SPOCK1: variants seen among roughly 807,000 people sequenced by gnomAD.
The protein encoded by SPOCK1 is SPARC (osteonectin), cwcv and kazal like domains proteoglycan 1, also known as testican-1.
A neutral mutation model predicts 55.3 loss-of-function variants in SPOCK1; 23 were observed. The observed-to-expected ratio is 0.42, with a 90% CI of 0.30 to 0.59. The LOEUF (loss-of-function observed/expected upper bound fraction) is 0.59, where lower values mean the gene tolerates loss of function less well. SPOCK1 is among the 20% of genes least tolerant of loss of function. The pLI is 0.22. For missense variants in SPOCK1, 499 were observed against 552.5 expected (o/e 0.90, Z 0.97); for synonymous variants, 226 against 221.0 (o/e 1.02, Z -0.20).
chr5:137,488,972 G>A (rs1881620), intron 2 of SPOCK1, among the ~76,000 whole-genome samples: 55,889 of 151,914 alleles, frequency 0.37, 10,392 homozygotes, highest in East Asian at 0.46. Flanking sequence ...GTCTCTGGGG[G>A]GTATATTTTC....
At chr5:137,244,940 AC>A (rs1170025383) in intron 3 of SPOCK1, among the ~76,000 whole-genome samples, 1 of 152,232 alleles carries the variant, frequency 6.6e-6, no homozygotes, top group East Asian at 1.9e-4. Context: ...TAATTTTATT[AC>A]TTACCAATGT....
Position 137,498,451 on chromosome 5 carries a change from G to C in SPOCK1, c.108C>G (p.Gly36=). ...GCCACTGGTCATTGTCTAGGAAATT[G>C]CCGTGGTTGGGGCCCGCGCCTCCGG... ...ALAGGAGPNH[G]NFLDNDQWLS... is the part of the protein sequence containing the mutation. The change falls in exon 2 of 11, where the codon GGC becomes GGG. Residue 36 remains glycine (G), a synonymous_variant. Coordinates refer to ENST00000394945, the MANE Select transcript of SPOCK1 (RefSeq NM_004598.4). The C allele has an allele frequency of 1.2e-6, 2 of 1,610,564 alleles. No individual in the cohort carries two copies. Among genetic ancestry groups the C allele is most frequent in the Non-Finnish European group, 1.7e-6 (2 of 1,178,986 alleles).
At chr5:137,053,156 A>C (rs916430906) in intron 6 of SPOCK1, among the ~76,000 whole-genome samples, 1 of 152,186 alleles carries the variant, frequency 6.6e-6, no homozygotes, top group African/African-American at 2.4e-5. Flanking sequence ...CATGCTCCTG[A>C]GACAAGAAGC....
chr5:137,344,240 A>C (rs1024734902), intron 2 of SPOCK1, among the ~76,000 whole-genome samples: 38 of 152,226 alleles, frequency 2.5e-4, no homozygotes, highest in African/African-American at 8.4e-4. Context: ...GCCCATGCTC[A>C]AGTGTGGGGA....
At chr5:137,109,810 C>A (rs909241122) in intron 5 of SPOCK1, among the ~76,000 whole-genome samples, 1 of 152,152 alleles carries the variant, frequency 6.6e-6, no homozygotes, top group African/African-American at 2.4e-5. Context: ...GACACCTTCC[C>A]GGATCACCAT....
intron 2 of SPOCK1, among the ~76,000 whole-genome samples, chr5:137,420,786 CT>C (rs1752475522): frequency 6.6e-6 from 1 of 152,098 alleles, no homozygotes; most frequent in African/African-American, 2.4e-5. Flanking sequence ...TTTTTTGTGT[CT>C]CTATCTCCTT....
At chr5:137,300,859 C>A (rs985835396) in intron 2 of SPOCK1, among the ~76,000 whole-genome samples, 1 of 152,156 alleles carries the variant, frequency 6.6e-6, no homozygotes, top group African/African-American at 2.4e-5. Flanking sequence ...ATGGAGGTCA[C>A]CCTCACACAG....
intron 5 of SPOCK1, among the ~76,000 whole-genome samples, chr5:137,109,203 G>C (rs1328273780): frequency 1.3e-5 from 2 of 152,198 alleles, no homozygotes; most frequent in Admixed American, 1.3e-4. Flanking sequence ...GTTTGCTCCA[G>C]AGCTGGAAGG....
intron 3 of SPOCK1, among the ~76,000 whole-genome samples, chr5:137,174,637 C>A (rs939618077): frequency 1.3e-5 from 2 of 152,238 alleles, no homozygotes; most frequent in South Asian, 2.1e-4. Flanking sequence ...AGGATCATCC[C>A]AGAATGTGCA....
chr5:137,081,410 T>A lies in SPOCK1; in HGVS notation c.475-13581A>T, dbSNP rs181079575. Among the ~76,000 whole-genome samples the A allele has an allele frequency of 2.9e-3, 442 of 152,210 alleles. 5 individuals are homozygous for A. Among genetic ancestry groups the A allele is most frequent in the African/African-American group, 9.9e-3 (411 of 41,524 alleles). The stretch of plus-strand genomic sequence containing the variant: ...GAAAAACAGATACTAGCTAAGCACA[T>A]CCACCAATTTCTGTCCAAAGCTGAC... On this transcript the variant is annotated intron_variant, in intron 5 of 10. Coordinates refer to ENST00000394945, the MANE Select transcript of SPOCK1 (RefSeq NM_004598.4).
intron 5 of SPOCK1, among the ~76,000 whole-genome samples, chr5:137,078,610 A>C (rs779428780): frequency 6.6e-6 from 1 of 152,164 alleles, no homozygotes; most frequent in Non-Finnish European, 1.5e-5. Flanking sequence ...GTCAATTTAC[A>C]TAACCTGTCC....
intron 3 of SPOCK1, among the ~76,000 whole-genome samples, chr5:137,148,331 T>C (rs961590053): frequency 6.6e-5 from 10 of 152,324 alleles, no homozygotes; most frequent in East Asian, 5.8e-4. Flanking sequence ...GTAATTTACA[T>C]GTCCTGATCA....
At chr5:137,306,325 A>G (rs1477898595) in intron 2 of SPOCK1, among the ~76,000 whole-genome samples, 1 of 152,202 alleles carries the variant, frequency 6.6e-6, no homozygotes, top group African/African-American at 2.4e-5. Context: ...GTTCTCATCC[A>G]ATAGGAGTGT....
chr5:137,096,733 T>C (rs966771177), intron 5 of SPOCK1, among the ~76,000 whole-genome samples: 2 of 152,046 alleles, frequency 1.3e-5, no homozygotes, highest in African/African-American at 2.4e-5. Context: ...TAGTATCTTT[T>C]TAAAAAAATT....
intron 5 of SPOCK1, among the ~76,000 whole-genome samples, chr5:137,087,225 C>T (rs891578481): frequency 6.6e-6 from 1 of 152,140 alleles, no homozygotes; most frequent in African/African-American, 2.4e-5. Context: ...TAGGTGGGCT[C>T]CCTTCCTCTC....
intron 2 of SPOCK1, among the ~76,000 whole-genome samples, chr5:137,384,013 C>A (rs10073264): frequency 0.084 from 12,863 of 152,250 alleles, 1,220 homozygotes; most frequent in African/African-American, 0.24. Context: ...ATGTCCACAG[C>A]CTGTGCCTCA....
chr5:137,484,289 A>G (rs1580952913), intron 2 of SPOCK1, among the ~76,000 whole-genome samples: 1 of 152,218 alleles, frequency 6.6e-6, no homozygotes, highest in East Asian at 1.9e-4. Flanking sequence ...AGGGCTCTTC[A>G]GAGAACAGGC....
At chr5:137,356,832 TATATATAGAGAGAG>T (rs1214945052) in intron 2 of SPOCK1, among the ~76,000 whole-genome samples, 1 of 10,166 alleles carries the variant, frequency 9.8e-5, no homozygotes, top group Non-Finnish European at 2.0e-4. Flanking sequence ...TATATATATA[TATATATAGAGAGAG>T]AGAGAGAGAG....
chr5:137,141,580 G>A (rs1754099600), intron 3 of SPOCK1, among the ~76,000 whole-genome samples: 1 of 152,176 alleles, frequency 6.6e-6, no homozygotes, highest in Non-Finnish European at 1.5e-5. Flanking sequence ...AATTAGATAA[G>A]GACCATGACG....
Sources: allele counts gnomAD v4.1 joint callset (sites outside exome capture counted in the v4.1 genomes callset), GRCh38; gene constraint gnomAD v4.1.1; transcripts MANE v1.5; gene names NCBI Gene and HGNC (gene_info 2026-07-23, HGNC 2026-07-21).